Variants in NTNG1 observed in about 807,000 individuals in gnomAD.
The protein encoded by NTNG1 is netrin-G1.
Under a neutral mutation model 54.0 loss-of-function variants are expected in NTNG1, and 16 were observed. The ratio of observed to expected loss-of-function variants is 0.30; its 90% CI spans 0.20 to 0.45. NTNG1 has a LOEUF of 0.45. Ranked by LOEUF, NTNG1 falls within the 20% of genes least tolerant of loss-of-function variation. The pLI, the probability that NTNG1 is intolerant of heterozygous loss-of-function variation, is 1.00. For missense variants in NTNG1, 530 were observed against 678.7 expected, an observed-to-expected ratio of 0.78 and a Z score of 2.43; for synonymous variants, 255 against 263.1, an observed-to-expected ratio of 0.97 and a Z score of 0.30.
At chr1:107,283,838 C>T (rs775569035) in intron 2 of NTNG1, among the ~76,000 whole-genome samples, 4 of 152,126 alleles carry the variant, frequency 2.6e-5, no homozygotes, top group Non-Finnish European at 5.9e-5. Flanking sequence ...GCCATTGACT[C>T]CTATACCCTA....
intron 7 of NTNG1, among the ~76,000 whole-genome samples, chr1:107,453,935 T>C (rs1037962488): frequency 6.6e-6 from 1 of 152,122 alleles, no homozygotes; most frequent in Admixed American, 6.6e-5. Flanking sequence ...AGAGCTATTA[T>C]AAAATCAAAA....
intron 3 of NTNG1, among the ~76,000 whole-genome samples, chr1:107,341,271 G>A (rs537174584): frequency 5.5e-4 from 84 of 151,960 alleles, no homozygotes; most frequent in Non-Finnish European, 9.7e-4. Flanking sequence ...GATGGACCGA[G>A]TTTATATTAA....
chr1:107,190,431 T>G (rs763904720), intron 2 of NTNG1, among the ~76,000 whole-genome samples: 1 of 152,048 alleles, frequency 6.6e-6, no homozygotes, highest in African/African-American at 2.4e-5. Context: ...TTTTAAAAAT[T>G]TTATTATTAT....
At chr1:107,303,860 G>T (rs928234824) in intron 2 of NTNG1, among the ~76,000 whole-genome samples, 10 of 151,914 alleles carry the variant, frequency 6.6e-5, no homozygotes, top group Non-Finnish European at 1.3e-4. Flanking sequence ...CTAATTTTTT[G>T]TATGATAGTA....
At chr1:107,203,413 C>A (rs1658915251) in intron 2 of NTNG1, among the ~76,000 whole-genome samples, 1 of 151,366 alleles carries the variant, frequency 6.6e-6, no homozygotes, top group South Asian at 2.1e-4. Context: ...AAGATATTTT[C>A]TATTGTTTCC....
chr1:107,361,392 T>TATATATATATATATATATATA (rs1553232702), intron 3 of NTNG1, among the ~76,000 whole-genome samples: 1 of 23,446 alleles, frequency 4.3e-5, no homozygotes, highest in East Asian at 1.5e-3. Flanking sequence ...TATATATATA[T>TATATATATATATATATATATA]TTTTTTTTTT....
chr1:107,284,376 A>G (rs1027454441), intron 2 of NTNG1, among the ~76,000 whole-genome samples: 1 of 152,150 alleles, frequency 6.6e-6, no homozygotes, highest in African/African-American at 2.4e-5. Context: ...TCAAGAAAAT[A>G]ATTTACCTAA....
chr1:107,370,119 T>G (rs1231127190), intron 3 of NTNG1, among the ~76,000 whole-genome samples: 2 of 152,012 alleles, frequency 1.3e-5, no homozygotes, highest in Non-Finnish European at 2.9e-5. Context: ...TTACTGTAGC[T>G]TTATAAGTCT....
intron 2 of NTNG1, among the ~76,000 whole-genome samples, chr1:107,203,388 T>A (rs541873063): frequency 6.6e-6 from 1 of 151,944 alleles, no homozygotes; most frequent in East Asian, 1.9e-4. Context: ...TTGACAGTTT[T>A]CTTTCCATTT....
intron 7 of NTNG1, among the ~76,000 whole-genome samples, chr1:107,438,527 A>G (rs1163720305): frequency 2.6e-5 from 4 of 152,126 alleles, no homozygotes; most frequent in African/African-American, 9.7e-5. Flanking sequence ...GCCAACAGTC[A>G]GGAGAAGAGG....
chr1:107,196,438 C>T (rs78228253), intron 2 of NTNG1, among the ~76,000 whole-genome samples: 4,123 of 152,068 alleles, frequency 0.027, 176 homozygotes, highest in African/African-American at 0.092. Context: ...CTCAGTAAGT[C>T]GTAACTGTTA....
At chr1:107,316,871 GA>G (rs1667366423) in intron 2 of NTNG1, among the ~76,000 whole-genome samples, 3 of 152,234 alleles carry the variant, frequency 2.0e-5, no homozygotes, top group African/African-American at 7.2e-5. Flanking sequence ...AATAGCTAAC[GA>G]ATTTGGAACA....
At chr1:107,263,099 A>G (rs141567208) in intron 2 of NTNG1, among the ~76,000 whole-genome samples, 56 of 152,364 alleles carry the variant, frequency 3.7e-4, no homozygotes, top group African/African-American at 1.3e-3. Flanking sequence ...TATTGTCTTT[A>G]TTGTGAAGAG....
chr1:107,377,301 T>C (rs1207190829), intron 3 of NTNG1, among the ~76,000 whole-genome samples: 1 of 152,112 alleles, frequency 6.6e-6, no homozygotes, highest in Non-Finnish European at 1.5e-5. Flanking sequence ...ATTATCTCAG[T>C]CACCACCACA....
chr1:107,475,930 C>T (rs606373), intron 7 of NTNG1, among the ~76,000 whole-genome samples: 85,881 of 152,008 alleles, frequency 0.56, 24,581 homozygotes, highest in East Asian at 0.62. Context: ...AATCATCCAG[C>T]GTTGAGAACC....
Position 107,148,412 on chromosome 1 carries a change from A to G in NTNG1, c.-182A>G, listed in dbSNP as rs1311067035. 1.2e-5 allele frequency: 7 copies of G among 594,548 alleles called. No homozygotes were observed. Among genetic ancestry groups the G allele is most frequent in the Non-Finnish European group, 2.1e-5 (7 of 335,952 alleles). The allele number at this position is 594,548 out of a possible 1,614,324, so 36.8% of individuals were successfully genotyped here. ...ATACCTGAATACGCACAATATCTTA[A>G]CTCTTCATATTTGGTTTTGGGATCT... On this transcript the variant is annotated 5_prime_UTR_variant, in exon 2 of 8. Transcript: ENST00000370068.
chr1:107,146,547 A>C (rs1654134212), intron 1 of NTNG1, among the ~76,000 whole-genome samples: 1 of 152,056 alleles, frequency 6.6e-6, no homozygotes, highest in Non-Finnish European at 1.5e-5. Context: ...AGATTTCAAA[A>C]TGGGCTTTAC....
rs541993171 is a variant in NTNG1 at position 107,279,833 on chromosome 1, C to T, written c.247-44449C>T. ...AAAGGTGGGGTCTCTCTCTGTTGCC[C>T]AGGCTCGAGTGCAGGGGTGTGAACA... On this transcript the variant is annotated intron_variant, in intron 2 of 7. Coordinates refer to ENST00000370068, the MANE Select transcript of NTNG1 (RefSeq NM_001113226.3). 2.6e-5 allele frequency among the ~76,000 whole-genome samples: 4 copies of T among 152,066 alleles called. No homozygotes were observed. The South Asian group carries it at 8.3e-4, about 32-fold the overall frequency.
intron 2 of NTNG1, among the ~76,000 whole-genome samples, chr1:107,308,282 T>G (rs1306828191): frequency 3.3e-5 from 5 of 152,236 alleles, no homozygotes; most frequent in African/African-American, 1.2e-4. Context: ...TTTATAGTTT[T>G]GGGTTTTACA....
Sources: allele counts gnomAD v4.1 joint callset (sites outside exome capture counted in the v4.1 genomes callset), GRCh38; gene constraint gnomAD v4.1.1; transcripts MANE v1.5; gene names NCBI Gene and HGNC (gene_info 2026-07-23, HGNC 2026-07-21).